PSD4: variants seen among roughly 807,000 people sequenced by gnomAD.
PSD4 encodes the protein PH and SEC7 domain-containing protein 4.
A neutral mutation model predicts 112.5 loss-of-function variants in PSD4; 59 were observed. The ratio of observed to expected loss-of-function variants is 0.52; its 90% CI spans 0.43 to 0.65. PSD4 has a LOEUF of 0.65. Ranked by LOEUF, PSD4 falls within the 30% of genes least tolerant of loss-of-function variation. The pLI, the probability that PSD4 is intolerant of heterozygous loss-of-function variation, is 0.00. For synonymous variants in PSD4, 533 were observed against 540.0 expected, an observed-to-expected ratio of 0.99 and a Z score of 0.18; for missense variants, 1,267 against 1,352.6, an observed-to-expected ratio of 0.94 and a Z score of 0.99.
chr2:113,186,342 C>A, intron 5 of PSD4, 87 bp downstream of exon 5: 2 of 1,375,062 alleles, frequency 1.5e-6, no homozygotes, highest in Non-Finnish European at 2.0e-6. Context: ...GAGAAATGCA[C>A]ATTGGAATTA....
chr2:113,179,514 T>G (rs1297864509), intron 1 of PSD4, among the ~76,000 whole-genome samples: 2 of 152,140 alleles, frequency 1.3e-5, no homozygotes. Context: ...TGAGGGCAAG[T>G]TTATTAGCAA....
intron 1 of PSD4, among the ~76,000 whole-genome samples, chr2:113,176,523 C>T (rs1036331149): frequency 6.6e-6 from 1 of 152,180 alleles, no homozygotes; most frequent in Non-Finnish European, 1.5e-5. Context: ...TCTCTCTTCC[C>T]CACCTCGGCT....
chr2:113,194,037 G>A, intron 10 of PSD4, 89 bp downstream of exon 10: 1 of 1,311,590 alleles, frequency 7.6e-7, no homozygotes, highest in Middle Eastern at 1.9e-4. Flanking sequence ...CTTGGGACTG[G>A]CTTTGCCAAA....
At chr2:113,198,466 T>G in intron 14 of PSD4, 1 of 367,842 alleles carries the variant, frequency 2.7e-6, no homozygotes, top group Admixed American at 4.4e-5. Context: ...GAGACGGGGT[T>G]TCACCCTGTT....
chr2:113,180,173 T>G (rs192803560), intron 1 of PSD4, among the ~76,000 whole-genome samples: 2 of 152,260 alleles, frequency 1.3e-5, no homozygotes, highest in Admixed American at 6.5e-5. Flanking sequence ...GAGAGAGCGC[T>G]GAGGGTTACC....
Position 113,197,155 on chromosome 2 carries a change from C to T in PSD4, c.2387-409C>T, listed in dbSNP as rs559411564. On this transcript the variant is annotated intron_variant, in intron 12 of 16. Transcript: ENST00000245796. ...AAGGGCACCCCAAAGCTGGGCTCTG[C>T]GCCCTTGAGCCCCTCTAGATGGGTA... 7 of 289,128 alleles carry T rather than the reference C, an allele frequency of 2.4e-5. No homozygotes were observed. In the East Asian group the frequency reaches 6.1e-4, roughly 25 times the overall value. 17.9% of individuals were successfully genotyped at this position (289,128 alleles called of 1,614,324 possible).
At chr2:113,189,603 T>C (rs931114612) in intron 5 of PSD4, among the ~76,000 whole-genome samples, 1 of 152,160 alleles carries the variant, frequency 6.6e-6, no homozygotes, top group African/African-American at 2.4e-5. Flanking sequence ...CTGTTTTCCA[T>C]AGTGATTGTA....
In PSD4 at chr2:113,197,810, G is replaced by A. The variant is rs1435622385; in HGVS notation, c.2521G>A (p.Gly841Arg). Residue 841 changes from glycine (G) to arginine (R), a missense_variant, in exon 14 of 17, where the codon GGG becomes AGG. Coordinates refer to ENST00000245796, the MANE Select transcript of PSD4 (RefSeq NM_012455.3). ...LVGQMVDEPV[G>R]VHHSLATPAT... ...GGGGCAGATGGTGGATGAGCCCGTGGGGGTGCACCACTCGCTGGCCACCCC... is the reference window on the plus strand; with the variant it reads ...GGGGCAGATGGTGGATGAGCCCGTGAGGGTGCACCACTCGCTGGCCACCCC... 3 of 1,611,556 alleles carry A rather than the reference G, an allele frequency of 1.9e-6. No individual in the cohort carries two copies. In the South Asian group the frequency reaches 3.3e-5, roughly 18 times the overall value.
chr2:113,194,938 G>A (rs1353388562), intron 10 of PSD4, among the ~76,000 whole-genome samples: 40 of 152,090 alleles, frequency 2.6e-4, no homozygotes, highest in Admixed American at 2.6e-3. Context: ...GGCACCGCAA[G>A]AGCTATAGAA....
At position 113,192,445 on chromosome 2, in the gene PSD4, C is replaced by G; in HGVS notation, c.1694C>G (p.Ser565Cys). The G allele has an allele frequency of 6.2e-7, 1 of 1,614,214 alleles. No homozygotes were observed. ...LPGSPMPQAQ[S>C]PEEGQRPPAG... ...GGGAGCCCTATGCCCCAAGCACAGT[C>G]CCCAGAGGAAGGCCAGAGACCACCA... is the stretch of plus-strand genomic sequence containing the variant. The change falls in exon 6 of 17, where the codon TCC becomes TGC. Residue 565 changes from serine (S) to cysteine (C), a missense_variant. Physicochemically the swap from Ser to Cys is moderately radical, Grantham distance 112. Transcript: ENST00000245796.
chr2:113,177,768 G>A (rs571731030), intron 1 of PSD4, among the ~76,000 whole-genome samples: 1 of 152,142 alleles, frequency 6.6e-6, no homozygotes, highest in African/African-American at 2.4e-5. Flanking sequence ...ACACAGTGGC[G>A]AACAGGAAAC....
Position 113,200,398 on chromosome 2 carries a change from C to CTG in PSD4, c.2914-759_2914-758insGT, listed in dbSNP as rs45628536. 5.3e-3 allele frequency among the ~76,000 whole-genome samples: 812 copies of CTG among 152,312 alleles called. 6 individuals carry two copies. The highest frequency in any genetic ancestry group is 0.018 in the African/African-American group (763 of 41,556). ...ACCAGGAAGTGGGAGTCAACATCGC[C>CTG]TCCTGCCTGTCCCCGCTGTGCCCGC... On this transcript the variant is annotated intron_variant, in intron 16 of 16. Transcript: ENST00000245796.
chr2:113,187,715 G>C (rs1428028558), intron 5 of PSD4, among the ~76,000 whole-genome samples: 1 of 152,216 alleles, frequency 6.6e-6, no homozygotes, highest in Non-Finnish European at 1.5e-5. Context: ...AGTGACACAG[G>C]AAGTTGAACC....
Position 113,201,401 on chromosome 2 carries a change from C to G in PSD4, c.3157C>G (p.Arg1053Gly), listed in dbSNP as rs745347253. 5.6e-6 allele frequency: 9 copies of G among 1,613,750 alleles called. No homozygotes were observed. In the South Asian group the frequency reaches 6.6e-5, roughly 12 times the overall value. Residue 1053 changes from arginine to glycine, a missense_variant, in exon 17 of 17, where the codon CGC (arginine) becomes GGC (glycine). Arg to Gly is a moderately radical substitution (Grantham distance 125). This residue lies in a region of PSD4 where 544 missense variants were observed against 648.6 expected (regional missense o/e 0.84). Transcript: ENST00000245796. Reference sequence around the variant, plus strand: ...CCGGAAGATCATCCCTAAGCGGAACCGCAATCAGCTGTGAAGCCAGCACCA... The same window carrying G: ...CCGGAAGATCATCCCTAAGCGGAACGGCAATCAGCTGTGAAGCCAGCACCA... ...TYRKIIPKRN[R>G]NQL
chr2:113,188,613 C>T (rs1688364187), intron 5 of PSD4, among the ~76,000 whole-genome samples: 1 of 151,716 alleles, frequency 6.6e-6, no homozygotes. Context: ...TGGAGTCTCA[C>T]TCTGTGGCCC....
chr2:113,180,846 T>A (rs984362176), intron 1 of PSD4, among the ~76,000 whole-genome samples: 16 of 152,058 alleles, frequency 1.1e-4, no homozygotes, highest in African/African-American at 3.9e-4. Context: ...CAAAATATTC[T>A]AATATAGCTC....
At chr2:113,188,384 C>T (rs1448675434) in intron 5 of PSD4, among the ~76,000 whole-genome samples, 1 of 151,984 alleles carries the variant, frequency 6.6e-6, no homozygotes, top group Non-Finnish European at 1.5e-5. Flanking sequence ...GCTGGGATTA[C>T]AGGCGTGTGC....
intron 1 of PSD4, among the ~76,000 whole-genome samples, chr2:113,178,031 A>G (rs1189205390): frequency 6.6e-6 from 1 of 152,178 alleles, no homozygotes; most frequent in African/African-American, 2.4e-5. Flanking sequence ...CAGCCTGATC[A>G]ATATGGTGAA....
intron 2 of PSD4, 42 bp downstream of exon 2, chr2:113,183,554 C>T (rs1688212814): frequency 6.8e-7 from 1 of 1,474,402 alleles, no homozygotes; most frequent in Non-Finnish European, 9.1e-7. Flanking sequence ...GTGCTGGGAA[C>T]ACAGAAGGGA....
Sources: gnomAD v4.1 joint callset for allele counts (sites outside exome capture counted in the v4.1 genomes callset) on GRCh38, gnomAD v4.1.1 for gene constraint, gnomAD v4.1.1 regional missense constraint, MANE v1.5 for transcripts, NCBI Gene and HGNC (gene_info 2026-07-23, HGNC 2026-07-21) for gene names.